The following DCC variants were observed in gnomAD, a reference collection of about 807,000 sequenced individuals.
DCC encodes DCC netrin 1 receptor, also known as netrin receptor DCC.
Under a neutral mutation model 172.5 loss-of-function variants are expected in DCC, and 58 were observed. The observed-to-expected ratio is 0.34, with a 90% CI of 0.27 to 0.42. The LOEUF is 0.42. Among genes scored for constraint, DCC ranks in the 10% least tolerant of loss-of-function variants. DCC has a pLI of 1.00. For missense variants in DCC, 1,740 were observed against 1,791.0 expected (o/e 0.97, Z 0.51); for synonymous variants, 709 against 644.5 (o/e 1.10, Z -1.52).
At chr18:52,598,542 A>G (rs1325033439) in intron 1 of DCC, among the ~76,000 whole-genome samples, 1 of 152,176 alleles carries the variant, frequency 6.6e-6, no homozygotes, top group Non-Finnish European at 1.5e-5. Context: ...ACCAGGATGT[A>G]TGATGGGAGG....
At chr18:53,208,145 T>G (rs1568366044) in intron 11 of DCC, among the ~76,000 whole-genome samples, 1 of 150,262 alleles carries the variant, frequency 6.7e-6, no homozygotes, top group Non-Finnish European at 1.5e-5. Context: ...TATGGTGGCA[T>G]GCACCTGCGA....
At chr18:52,567,735 A>T (rs2144752218) in intron 1 of DCC, among the ~76,000 whole-genome samples, 1 of 152,204 alleles carries the variant, frequency 6.6e-6, no homozygotes, top group African/African-American at 2.4e-5. Flanking sequence ...TGATGGGTAC[A>T]CTACAAGCCC....
intron 15 of DCC, among the ~76,000 whole-genome samples, chr18:53,347,277 A>C (rs1343165507): frequency 1.3e-5 from 2 of 152,214 alleles, no homozygotes; most frequent in Non-Finnish European, 1.5e-5. Context: ...TCGCTTCATC[A>C]AGATCTTACT....
At chr18:52,919,785 G>T (rs568694359) in intron 3 of DCC, among the ~76,000 whole-genome samples, 1 of 152,048 alleles carries the variant, frequency 6.6e-6, no homozygotes, top group East Asian at 1.9e-4. Flanking sequence ...GCACAATACT[G>T]AATAAGAAGA....
In DCC at chr18:53,493,197, T is replaced by C. The variant is rs147326075; in HGVS notation, c.3899-6101T>C. Reference sequence around the variant, plus strand: ...TTTGTATCCTGAGCCTTTGCTGAAGTTGCTTATCAGCTTAAGGAGATTTAG... The same window carrying C: ...TTTGTATCCTGAGCCTTTGCTGAAGCTGCTTATCAGCTTAAGGAGATTTAG... On this transcript the variant is annotated intron_variant, in intron 26 of 28. Coordinates refer to ENST00000442544, the MANE Select transcript of DCC (RefSeq NM_005215.4). 3.3e-3 allele frequency among the ~76,000 whole-genome samples: 496 copies of C among 152,362 alleles called. 3 individuals carry two copies. Among genetic ancestry groups the C allele is most frequent in the African/African-American group, 0.011 (474 of 41,590 alleles).
chr18:52,878,582 T>C (rs114224734), intron 2 of DCC, among the ~76,000 whole-genome samples: 2,302 of 152,310 alleles, frequency 0.015, 42 homozygotes, highest in African/African-American at 0.038. Flanking sequence ...ATTATGACTC[T>C]GAGACAACAC....
intron 15 of DCC, among the ~76,000 whole-genome samples, chr18:53,351,405 A>ATATATATATACAGTG (rs1555656859): frequency 1.7e-4 from 2 of 12,000 alleles, no homozygotes; most frequent in Non-Finnish European, 3.8e-4. Context: ...TACAGTGTAT[A>ATATATATATACAGTG]TATATATATA....
chr18:53,303,095 T>G (rs540244617), intron 12 of DCC, among the ~76,000 whole-genome samples: 2 of 152,316 alleles, frequency 1.3e-5, no homozygotes, highest in African/African-American at 2.4e-5. Context: ...TTTTTTATTC[T>G]CTCCTCAGGG....
chr18:53,419,868 T>C (rs1037752578), intron 21 of DCC, among the ~76,000 whole-genome samples: 2 of 152,082 alleles, frequency 1.3e-5, no homozygotes, highest in Non-Finnish European at 1.5e-5. Context: ...TTTTTTAATT[T>C]TTTGACACAG....
chr18:52,466,677 C>T (rs1988793556), intron 1 of DCC, among the ~76,000 whole-genome samples: 1 of 152,096 alleles, frequency 6.6e-6, no homozygotes, highest in East Asian at 1.9e-4. Flanking sequence ...TCAGTGATGA[C>T]TTTTCTTCTT....
intron 5 of DCC, among the ~76,000 whole-genome samples, chr18:52,944,741 C>G (rs2040514836): frequency 6.6e-6 from 1 of 152,192 alleles, no homozygotes; most frequent in Non-Finnish European, 1.5e-5. Context: ...CAATCTGTTT[C>G]ATCTGGGTGA....
At chr18:52,362,782 C>T (rs533689246) in intron 1 of DCC, among the ~76,000 whole-genome samples, 16 of 137,248 alleles carry the variant, frequency 1.2e-4, no homozygotes, top group South Asian at 4.2e-4. Flanking sequence ...TTCTTTTAGC[C>T]CCCCCCACTC....
chr18:53,324,260 C>A (rs1392269694), intron 14 of DCC, among the ~76,000 whole-genome samples: 1 of 152,148 alleles, frequency 6.6e-6, no homozygotes, highest in African/African-American at 2.4e-5. Context: ...TAGAAAAAGT[C>A]ACATTTCACA....
intron 7 of DCC, among the ~76,000 whole-genome samples, chr18:53,105,866 T>C (rs2043238789): frequency 6.6e-6 from 1 of 151,592 alleles, no homozygotes; most frequent in Non-Finnish European, 1.5e-5. Context: ...CATTCTAGTG[T>C]GACCAACTTT....
chr18:52,541,962 CTATAT>C (rs1464093335), intron 1 of DCC, among the ~76,000 whole-genome samples: 9 of 144,822 alleles, frequency 6.2e-5, no homozygotes, highest in Non-Finnish European at 9.0e-5. Context: ...AATATATACA[CTATAT>C]TATATCAAAT....
rs181804549 is a variant in DCC at position 53,486,543 on chromosome 18, T to C, written c.3737-254T>C. ...TAAGGTGGATTTATGGTAACTTGAT[T>C]AACTGTTTCTTTGTTTGGAGCCCTG... On this transcript the variant is annotated intron_variant, in intron 25 of 28. Transcript: ENST00000442544. Among the ~76,000 whole-genome samples, 689 of 152,280 alleles carry C rather than the reference T, an allele frequency of 4.5e-3. 10 individuals are homozygous for C. Among genetic ancestry groups the C allele is most frequent in the Middle Eastern group, 0.014 (4 of 294 alleles).
intron 8 of DCC, 80 bp from the exon 9 acceptor site, chr18:53,178,882 T>C: frequency 2.0e-6 from 3 of 1,510,156 alleles, no homozygotes; most frequent in Non-Finnish European, 1.8e-6. Context: ...TTCACCTCAC[T>C]ACTCTTGCAC....
intron 2 of DCC, among the ~76,000 whole-genome samples, chr18:52,781,807 CTCA>C (rs1219170814): frequency 3.3e-5 from 5 of 151,998 alleles, no homozygotes; most frequent in African/African-American, 1.2e-4. Flanking sequence ...AAACAAAATT[CTCA>C]TCAATTGGAT....
At chr18:52,919,867 T>C (rs2040093589) in intron 3 of DCC, among the ~76,000 whole-genome samples, 1 of 151,978 alleles carries the variant, frequency 6.6e-6, no homozygotes, top group South Asian at 2.1e-4. Context: ...GATAGTGTGG[T>C]ATTGGCAAAA....
Sources: allele counts gnomAD v4.1 joint callset (sites outside exome capture counted in the v4.1 genomes callset), GRCh38; gene constraint gnomAD v4.1.1; transcripts MANE v1.5; gene names NCBI Gene and HGNC (gene_info 2026-07-23, HGNC 2026-07-21).